Variants in COG5 observed in about 807,000 individuals in gnomAD.
COG5 encodes conserved oligomeric Golgi complex subunit 5.
A neutral mutation model predicts 110.4 loss-of-function variants in COG5; 86 were observed. The ratio of observed to expected loss-of-function variants is 0.78; its 90% CI spans 0.65 to 0.93. The LOEUF (loss-of-function observed/expected upper bound fraction) is 0.93. COG5 is among the 40% of genes least tolerant of loss of function. The pLI, the probability that COG5 is intolerant of heterozygous loss-of-function variation, is 0.00. For synonymous variants in COG5, 360 were observed against 334.6 expected, an observed-to-expected ratio of 1.08 and a Z score of -0.83; for missense variants, 1,077 against 987.0, an observed-to-expected ratio of 1.09 and a Z score of -1.22.
At chr7:107,361,911 C>A (rs1417604665) in intron 10 of COG5, 122 bp downstream of exon 10, 13 of 663,278 alleles carry the variant, frequency 2.0e-5, no homozygotes, top group Non-Finnish European at 3.3e-5. Flanking sequence ...TCAAGAAATA[C>A]ACTTCTCTAT....
intron 1 of COG5, among the ~76,000 whole-genome samples, chr7:107,561,743 A>C (rs1000823003): frequency 6.6e-6 from 1 of 152,178 alleles, no homozygotes; most frequent in African/African-American, 2.4e-5. Flanking sequence ...CTGGGAGGCC[A>C]AGGCAGGCAG....
chr7:107,288,000 A>T (rs1041534475), intron 12 of COG5, among the ~76,000 whole-genome samples: 6 of 152,168 alleles, frequency 3.9e-5, no homozygotes, highest in African/African-American at 1.4e-4. Context: ...GTCTACGTGA[A>T]CATATGTTTT....
At position 107,459,790 on chromosome 7, in the gene COG5, T is replaced by A. The variant is rs543165399; in HGVS notation, c.539-47158A>T. 4.5e-4 allele frequency among the ~76,000 whole-genome samples: 44 copies of A among 97,412 alleles called. 1 individual carries two copies. In the South Asian group the frequency reaches 0.016, roughly 37 times the overall value. 63.9% of individuals were successfully genotyped at this position (97,412 alleles called of 152,430 possible). A position where few individuals can be genotyped will look rare whatever the true frequency, so the allele number is the denominator to read the frequency against. On this transcript the variant is annotated intron_variant, in intron 6 of 21. Transcript: ENST00000297135. The stretch of plus-strand genomic sequence containing the variant: ...CTGCCTGGGTGATGCAGCAAGATTC[T>A]GGCTCAGGGAAAAAAAAAAAAAGTT...
At chr7:107,442,380 G>A (rs1794758249) in intron 6 of COG5, among the ~76,000 whole-genome samples, 1 of 151,996 alleles carries the variant, frequency 6.6e-6, no homozygotes, top group African/African-American at 2.4e-5. Flanking sequence ...CCATTCTCAG[G>A]GAGTTCTTTA....
chr7:107,252,108 C>G (rs964520343), intron 16 of COG5, among the ~76,000 whole-genome samples: 1 of 152,076 alleles, frequency 6.6e-6, no homozygotes. Flanking sequence ...GTAGTCCCAG[C>G]CACTTCAAAG....
At chr7:107,414,743 T>TTTTTC (rs1554434310) in intron 6 of COG5, among the ~76,000 whole-genome samples, 1 of 115,724 alleles carries the variant, frequency 8.6e-6, no homozygotes. Flanking sequence ...TTTTTTTTTT[T>TTTTTC]CCGAGACTCA....
intron 14 of COG5, among the ~76,000 whole-genome samples, chr7:107,268,119 C>G (rs1417261013): frequency 1.3e-5 from 2 of 152,086 alleles, no homozygotes; most frequent in African/African-American, 4.8e-5. Context: ...CAGGCATGCA[C>G]CACCACGCCT....
At chr7:107,468,937 G>A (rs1584863406) in intron 6 of COG5, among the ~76,000 whole-genome samples, 1 of 150,520 alleles carries the variant, frequency 6.6e-6, no homozygotes, top group East Asian at 2.0e-4. Context: ...ATTAAAAACA[G>A]GAACTTATTT....
chr7:107,340,734 A>T (rs552387393), intron 10 of COG5, among the ~76,000 whole-genome samples: 1 of 152,324 alleles, frequency 6.6e-6, no homozygotes, highest in African/African-American at 2.4e-5. Context: ...AACATATGTA[A>T]ATCAATAAAT....
rs1246121668 is a variant in COG5 at position 107,474,056 on chromosome 7, A to C, written c.538+53181T>G. On this transcript the variant is annotated intron_variant, in intron 6 of 21. Transcript: ENST00000297135. The surrounding 1 kb of genome is among the most constrained non-coding windows in gnomAD (Gnocchi z 5.7). The stretch of plus-strand genomic sequence containing the variant: ...CTAGGGAAAAAAACCAACTGCTCCA[A>C]AAGAATGTGTTTTTCTCCCATTCTG... The C allele has an allele frequency of 1.3e-6, 2 of 1,503,368 alleles. No individual in the cohort carries two copies. Among genetic ancestry groups the C allele is most frequent in the Non-Finnish European group, 1.8e-6 (2 of 1,107,174 alleles). The allele number at this position is 1,503,368 out of a possible 1,614,324, so 93.1% of individuals were successfully genotyped here. A position where few individuals can be genotyped will look rare whatever the true frequency, so the allele number is the denominator to read the frequency against.
intron 12 of COG5, among the ~76,000 whole-genome samples, chr7:107,284,490 G>A (rs947732948): frequency 6.6e-6 from 1 of 152,180 alleles, no homozygotes; most frequent in African/African-American, 2.4e-5. Flanking sequence ...CTGACTGAGA[G>A]GGAAGTGTAC....
chr7:107,288,315 T>A (rs149780004), intron 12 of COG5, among the ~76,000 whole-genome samples: 7 of 152,274 alleles, frequency 4.6e-5, no homozygotes, highest in Non-Finnish European at 5.9e-5. Flanking sequence ...TGAGCTGTGA[T>A]TGCACCACTG....
chr7:107,230,023 G>T (rs1029381993), intron 19 of COG5, among the ~76,000 whole-genome samples: 17 of 151,628 alleles, frequency 1.1e-4, no homozygotes, highest in South Asian at 2.1e-4. Flanking sequence ...GCTAATTTTT[G>T]TATTTTTAGT....
intron 15 of COG5, 82 bp from the exon 16 acceptor site, chr7:107,256,876 C>G: frequency 1.1e-6 from 1 of 927,906 alleles, no homozygotes; most frequent in Non-Finnish European, 1.8e-6. Flanking sequence ...CATAATAAAG[C>G]TGTTTCCACA....
At chr7:107,234,049 T>C (rs1055751408) in intron 18 of COG5, among the ~76,000 whole-genome samples, 2 of 152,184 alleles carry the variant, frequency 1.3e-5, no homozygotes, top group African/African-American at 4.8e-5. Context: ...TGATAGTGCC[T>C]CCGCCTGTCT....
At chr7:107,335,711 C>T (rs868672254) in intron 10 of COG5, among the ~76,000 whole-genome samples, 2 of 152,126 alleles carry the variant, frequency 1.3e-5, no homozygotes, top group East Asian at 1.9e-4. Flanking sequence ...CTCAACTATA[C>T]ACTGCCTGCA....
chr7:107,485,070 A>G (rs951308673), intron 6 of COG5, among the ~76,000 whole-genome samples: 4 of 152,206 alleles, frequency 2.6e-5, no homozygotes, highest in African/African-American at 9.6e-5. Context: ...GATAACCTTC[A>G]GAAATACCTT....
At position 107,456,051 on chromosome 7, in the gene COG5, G is replaced by A. The variant is rs570112484; in HGVS notation, c.539-43419C>T. Among the ~76,000 whole-genome samples the A allele has an allele frequency of 7.3e-4, 111 of 151,894 alleles. 1 individual carries two copies. In the Middle Eastern group the frequency reaches 0.014, roughly 19 times the overall value. On this transcript the variant is annotated intron_variant, in intron 6 of 21. Transcript: ENST00000297135. ...TGACCTCAAGTGATCTGCCCGCCTC[G>A]GCCTCCCAAAGTGCTGAGATTACAG... is the stretch of plus-strand genomic sequence containing the variant.
intron 17 of COG5, among the ~76,000 whole-genome samples, chr7:107,239,842 A>G (rs1328758768): frequency 6.6e-6 from 1 of 152,208 alleles, no homozygotes; most frequent in Non-Finnish European, 1.5e-5. Flanking sequence ...TAGAAAAGAT[A>G]CTTGATTTCA....
Sources: allele counts gnomAD v4.1 joint callset (sites outside exome capture counted in the v4.1 genomes callset), GRCh38; gene constraint gnomAD v4.1.1; non-coding constraint Gnocchi (gnomAD v3.1); transcripts MANE v1.5; gene names NCBI Gene and HGNC (gene_info 2026-07-23, HGNC 2026-07-21).